Variants in FBN2 observed in about 807,000 individuals in gnomAD.
The protein encoded by FBN2 is fibrillin-2.
In FBN2, 105 loss-of-function variants were observed where a neutral mutation model predicts 355.6. The observed-to-expected ratio is 0.30, with a 90% CI of 0.25 to 0.35. The LOEUF is 0.35. Among genes scored for constraint, FBN2 ranks in the 10% least tolerant of loss-of-function variants. The pLI, the probability that FBN2 is intolerant of heterozygous loss-of-function variation, is 1.00. For synonymous variants in FBN2, 1,350 were observed against 1,301.2 expected, an observed-to-expected ratio of 1.04 and a Z score of -0.81; for missense variants, 3,280 against 3,758.7, an observed-to-expected ratio of 0.87 and a Z score of 3.33.
intron 4 of FBN2, 127 bp from the exon 5 acceptor site, chr5:128,519,495 C>G: frequency 1.4e-6 from 1 of 735,492 alleles, no homozygotes; most frequent in Non-Finnish European, 2.5e-6. Flanking sequence ...TAAACTGCAA[C>G]TTGTATAAAT....
At chr5:128,347,978 G>C (rs1000090111) in intron 23 of FBN2, among the ~76,000 whole-genome samples, 6 of 151,874 alleles carry the variant, frequency 4.0e-5, no homozygotes, top group Middle Eastern at 3.2e-3. Context: ...GGGGAGGGGG[G>C]GGTTCCCCAT....
At chr5:128,385,695 C>T (rs1752349451) in intron 11 of FBN2, among the ~76,000 whole-genome samples, 1 of 152,090 alleles carries the variant, frequency 6.6e-6, no homozygotes, top group African/African-American at 2.4e-5. Context: ...CCTTTCTTCA[C>T]AACCTTACCA....
intron 14 of FBN2, 48 bp downstream of exon 14, chr5:128,376,683 A>G (rs1021778106): frequency 1.2e-6 from 2 of 1,607,414 alleles, no homozygotes; most frequent in African/African-American, 1.3e-5. Flanking sequence ...TCAAATAAAA[A>G]AGGTGGTTTC....
At position 128,409,149 on chromosome 5, in the gene FBN2, C is replaced by T. The variant is rs568412138; in HGVS notation, c.953-350G>A. On this transcript the variant is annotated intron_variant, in intron 7 of 64. Coordinates refer to ENST00000262464, the MANE Select transcript of FBN2 (RefSeq NM_001999.4). Reference sequence around the variant, plus strand: ...ACTAGAGCCTTTAAAAAAACACATACATGGATTACATTTTAAAATATAGAA... The same window carrying T: ...ACTAGAGCCTTTAAAAAAACACATATATGGATTACATTTTAAAATATAGAA... 1.9e-4 allele frequency among the ~76,000 whole-genome samples: 29 copies of T among 152,266 alleles called. 1 individual carries two copies. In the South Asian group the frequency reaches 5.4e-3, roughly 28 times the overall value.
chr5:128,306,315 G>A (rs967597573), intron 42 of FBN2, among the ~76,000 whole-genome samples: 2 of 151,962 alleles, frequency 1.3e-5, no homozygotes, highest in Non-Finnish European at 2.9e-5. Flanking sequence ...ATTCATAATG[G>A]AGACTTAAAA....
intron 7 of FBN2, among the ~76,000 whole-genome samples, chr5:128,422,323 GA>G (rs996813492): frequency 1.3e-5 from 2 of 152,152 alleles, no homozygotes; most frequent in African/African-American, 4.8e-5. Context: ...TGCAATGAGG[GA>G]TTCTAGGGAA....
intron 15 of FBN2, among the ~76,000 whole-genome samples, chr5:128,373,010 A>C (rs1348351151): frequency 6.6e-6 from 1 of 152,202 alleles, no homozygotes. Flanking sequence ...ATGTTATAGA[A>C]ACAGTAATAT....
intron 7 of FBN2, among the ~76,000 whole-genome samples, chr5:128,435,554 T>A (rs1753750032): frequency 6.6e-6 from 1 of 152,118 alleles, no homozygotes; most frequent in Non-Finnish European, 1.5e-5. Flanking sequence ...TTATTCCTAT[T>A]GTAAAGATGC....
intron 9 of FBN2, 42 bp from the exon 10 acceptor site, chr5:128,393,410 T>C: frequency 6.4e-7 from 1 of 1,551,178 alleles, no homozygotes; most frequent in Non-Finnish European, 8.9e-7. Flanking sequence ...GGTGAATGTC[T>C]TTCTGCATAA....
At chr5:128,337,564 G>A (rs1203088962) in intron 27 of FBN2, among the ~76,000 whole-genome samples, 3 of 152,228 alleles carry the variant, frequency 2.0e-5, no homozygotes, top group African/African-American at 7.2e-5. Context: ...GTGTTTCCAT[G>A]AGAAGTGGGT....
At position 128,286,829 on chromosome 5, in the gene FBN2, C is replaced by T. The variant is rs1189458413; in HGVS notation, c.6901G>A (p.Gly2301Arg). ...CCCCTAGATTCACAGTCGTGTAACC[C>T]TTCAGCACATTCATCCAGATCTAGA... ...MCKDLDECAE[G>R]LHDCESRGMM... Residue 2301 changes from glycine to arginine, a missense_variant, in exon 55 of 65, where the codon GGG (glycine) becomes AGG (arginine). By Grantham distance (125) the Gly-to-Arg change is moderately radical. Transcript: ENST00000262464. 6.2e-7 allele frequency: 1 copy of T among 1,614,080 alleles called. No homozygotes were observed. The highest frequency in any genetic ancestry group is 1.7e-5 in the Admixed American group (1 of 60,016).
intron 63 of FBN2, 130 bp from the exon 64 acceptor site, chr5:128,262,037 A>C (rs1312913330): frequency 1.3e-6 from 1 of 773,686 alleles, no homozygotes; most frequent in African/African-American, 1.7e-5. Context: ...ATAAAACCCT[A>C]ATATTCTTTG....
chr5:128,310,382 ATATATATATATATATATATATTTTTT>A (rs1485311753), intron 39 of FBN2, among the ~76,000 whole-genome samples: 189 of 12,786 alleles, frequency 0.015, 1 homozygote, highest in Non-Finnish European at 0.021. Flanking sequence ...ATATATATAT[ATATATATATATATATATATATTTTTT>A]TTTTTTTTTT....
intron 55 of FBN2, among the ~76,000 whole-genome samples, chr5:128,285,541 A>G (rs1243137745): frequency 7.1e-6 from 1 of 141,032 alleles, no homozygotes; most frequent in Non-Finnish European, 1.5e-5. Flanking sequence ...TCTTTGAAAA[A>G]GTAAGTTCAG....
At chr5:128,421,318 G>A (rs1040195936) in intron 7 of FBN2, among the ~76,000 whole-genome samples, 1 of 152,048 alleles carries the variant, frequency 6.6e-6, no homozygotes, top group Non-Finnish European at 1.5e-5. Context: ...AATGGGTCAG[G>A]GACAGCAGAG....
At chr5:128,387,991 G>A (rs1487306241) in intron 11 of FBN2, among the ~76,000 whole-genome samples, 17 of 152,104 alleles carry the variant, frequency 1.1e-4, no homozygotes, top group Admixed American at 1.1e-3. Context: ...CTCTTTGTAG[G>A]TCTCTAAAAA....
intron 23 of FBN2, 76 bp from the exon 24 acceptor site, chr5:128,345,660 C>G: frequency 1.5e-6 from 2 of 1,319,578 alleles, no homozygotes; most frequent in Admixed American, 1.7e-5. Flanking sequence ...AGCGTCTGCT[C>G]AGCACCAGGC....
At chr5:128,394,545 G>A (rs1261046821) in intron 9 of FBN2, among the ~76,000 whole-genome samples, 4 of 152,160 alleles carry the variant, frequency 2.6e-5, no homozygotes, top group Admixed American at 6.5e-5. Flanking sequence ...AGCTCTGGAT[G>A]AAAGATCAGG....
chr5:128,301,048 C>A, intron 47 of FBN2, 112 bp from the exon 48 acceptor site: 1 of 959,208 alleles, frequency 1.0e-6, no homozygotes, highest in Non-Finnish European at 1.6e-6. Context: ...CTCTGATCTA[C>A]TGGGTCACCA....
Sources: gnomAD v4.1 joint callset for allele counts (sites outside exome capture counted in the v4.1 genomes callset) on GRCh38, gnomAD v4.1.1 for gene constraint, MANE v1.5 for transcripts, NCBI Gene and HGNC (gene_info 2026-07-23, HGNC 2026-07-21) for gene names.